Variants in BCKDHB observed in about 807,000 individuals in gnomAD.
BCKDHB encodes branched chain keto acid dehydrogenase E1 subunit beta, also known as 2-oxoisovalerate dehydrogenase subunit beta, mitochondrial.
Under a neutral mutation model 48.5 loss-of-function variants are expected in BCKDHB, and 41 were observed. The ratio of observed to expected loss-of-function variants is 0.85; its 90% confidence interval spans 0.66 to 1.10. The LOEUF is 1.10. Ranked by LOEUF, BCKDHB falls within the 50% of genes least tolerant of loss-of-function variation. The pLI, the probability that BCKDHB is intolerant of heterozygous loss-of-function variation, is 0.00. For synonymous variants in BCKDHB, 201 were observed against 174.8 expected (o/e 1.15, Z -1.18); for missense variants, 496 against 494.2 (o/e 1.00, Z -0.03).
At position 80,169,747 on chromosome 6, in the gene BCKDHB, A is replaced by G. The variant is rs1386468634; in HGVS notation, c.633+717A>G. ...AGATGTATATTTGTTTTTTGACCAC[A>G]TGAATTGATTGTGAGCATGTGTCTA... On this transcript the variant is annotated intron_variant, in intron 5 of 9. Transcript: ENST00000320393. 3.3e-6 allele frequency: 5 copies of G among 1,496,126 alleles called. No homozygotes were observed. In the East Asian group the frequency reaches 7.0e-5, roughly 21 times the overall value. 92.7% of individuals were successfully genotyped at this position (1,496,126 alleles called of 1,614,324 possible). A position where few individuals can be genotyped will look rare whatever the true frequency, so the allele number is the denominator to read the frequency against.
At chr6:80,221,637 G>T (rs1775457264) in intron 8 of BCKDHB, among the ~76,000 whole-genome samples, 1 of 151,022 alleles carries the variant, frequency 6.6e-6, no homozygotes, top group South Asian at 2.1e-4. Context: ...TTTCTCATTT[G>T]TCTAGAACGA....
chr6:80,412,527 CTTTTA>C, the BCKDHB span, among the ~76,000 whole-genome samples: 1 of 152,100 alleles, frequency 6.6e-6, no homozygotes, highest in Non-Finnish European at 1.5e-5. Context: ...TGTCTTTTAA[CTTTTA>C]TTATAGAGTT....
intron 8 of BCKDHB, among the ~76,000 whole-genome samples, chr6:80,243,770 A>G (rs1435067526): frequency 6.6e-6 from 1 of 152,176 alleles, no homozygotes; most frequent in Non-Finnish European, 1.5e-5. Context: ...TCCTGAGCTC[A>G]AGTGATTTTC....
chr6:80,323,792 A>C (rs2128003751), intron 9 of BCKDHB, among the ~76,000 whole-genome samples: 1 of 152,302 alleles, frequency 6.6e-6, no homozygotes, highest in Middle Eastern at 3.4e-3. Context: ...TTATTATTTG[A>C]GACGGAATCT....
At chr6:80,432,702 G>A in the BCKDHB span, among the ~76,000 whole-genome samples, 217 of 152,202 alleles carry the variant, frequency 1.4e-3, no homozygotes, top group Non-Finnish European at 2.4e-3. Flanking sequence ...CTCATTCTCA[G>A]TCCAGTTTTG....
At chr6:80,349,277 A>C (rs1770327496), downstream of BCKDHB, among the ~76,000 whole-genome samples, 1 of 152,212 alleles carries the variant, frequency 6.6e-6, no homozygotes, top group African/African-American at 2.4e-5. Flanking sequence ...AAAGCAGCAT[A>C]TGTGTCTTCC....
At chr6:80,320,265 C>A (rs1236006324) in intron 9 of BCKDHB, among the ~76,000 whole-genome samples, 2 of 152,074 alleles carry the variant, frequency 1.3e-5, no homozygotes, top group African/African-American at 4.8e-5. Flanking sequence ...TTTTTGTGTT[C>A]CACAGACGCA....
At chr6:80,238,258 C>T (rs976470152) in intron 8 of BCKDHB, among the ~76,000 whole-genome samples, 26 of 152,258 alleles carry the variant, frequency 1.7e-4, no homozygotes, top group African/African-American at 5.8e-4. Flanking sequence ...CCACCACACC[C>T]GGCTAGTTTT....
intron 3 of BCKDHB, among the ~76,000 whole-genome samples, chr6:80,130,571 G>A (rs1177907094): frequency 1.3e-5 from 2 of 152,090 alleles, no homozygotes; most frequent in East Asian, 1.9e-4. Context: ...TTGGGCAAAA[G>A]ATTATTTTTC....
chr6:80,226,371 AG>A (rs1431057969), intron 8 of BCKDHB, among the ~76,000 whole-genome samples: 1 of 152,238 alleles, frequency 6.6e-6, no homozygotes, highest in African/African-American at 2.4e-5. Context: ...TCCCTGGGGA[AG>A]GGCGGCGCAT....
intron 3 of BCKDHB, among the ~76,000 whole-genome samples, chr6:80,137,964 C>T (rs1000928802): frequency 6.6e-6 from 1 of 151,928 alleles, no homozygotes; most frequent in African/African-American, 2.4e-5. Flanking sequence ...GGGTGGCACA[C>T]AGCTGTAGTC....
At chr6:80,114,285 C>A (rs1769569813) in intron 1 of BCKDHB, among the ~76,000 whole-genome samples, 1 of 150,378 alleles carries the variant, frequency 6.6e-6, no homozygotes, top group African/African-American at 2.5e-5. Context: ...GTCTCACTCT[C>A]TTGTCTAGGC....
At chr6:80,301,661 A>G (rs1253911730) in intron 9 of BCKDHB, among the ~76,000 whole-genome samples, 1 of 152,164 alleles carries the variant, frequency 6.6e-6, no homozygotes, top group Non-Finnish European at 1.5e-5. Context: ...CTACAAAGAC[A>G]GCATCAGCCT....
intron 6 of BCKDHB, among the ~76,000 whole-genome samples, chr6:80,179,211 T>C (rs1212019767): frequency 6.6e-6 from 1 of 151,996 alleles, no homozygotes; most frequent in African/African-American, 2.4e-5. Flanking sequence ...CTCAATTTTT[T>C]TGAGTTTTTG....
At chr6:80,373,386 T>C in the BCKDHB span, among the ~76,000 whole-genome samples, 1 of 152,158 alleles carries the variant, frequency 6.6e-6, no homozygotes, top group South Asian at 2.1e-4. Flanking sequence ...ATTTATCTTT[T>C]CAAAGAACCA....
At chr6:80,347,624 A>G (rs949069312), downstream of BCKDHB, among the ~76,000 whole-genome samples, 3 of 152,172 alleles carry the variant, frequency 2.0e-5, no homozygotes, top group South Asian at 4.1e-4. Flanking sequence ...TTTTAATTTT[A>G]CTGTCTTTAA....
intron 1 of BCKDHB, among the ~76,000 whole-genome samples, chr6:80,124,932 GCTTCAA>G (rs1445808041): frequency 5.9e-5 from 9 of 152,138 alleles, no homozygotes; most frequent in Non-Finnish European, 1.3e-4. Context: ...ATGAACATTG[GCTTCAA>G]CTTCAAATCA....
the BCKDHB span, among the ~76,000 whole-genome samples, chr6:80,419,532 A>T: frequency 1.3e-5 from 2 of 152,118 alleles, no homozygotes; most frequent in East Asian, 3.9e-4. Context: ...GCTTAGGGGG[A>T]TGGTTTTCCC....
At chr6:80,122,055 G>A (rs1770054441) in intron 1 of BCKDHB, among the ~76,000 whole-genome samples, 1 of 152,170 alleles carries the variant, frequency 6.6e-6, no homozygotes, top group Admixed American at 6.5e-5. Flanking sequence ...AGAGTTTTTA[G>A]CATGAAGGGC....
Sources: gnomAD v4.1 joint callset for allele counts (sites outside exome capture counted in the v4.1 genomes callset) on GRCh38, gnomAD v4.1.1 for gene constraint, MANE v1.5 for transcripts, NCBI Gene and HGNC (gene_info 2026-07-23, HGNC 2026-07-21) for gene names.